TNN: variants seen among roughly 807,000 people sequenced by gnomAD.
TNN encodes tenascin N, also known as tenascin-N.
Under a neutral mutation model 134.4 loss-of-function variants are expected in TNN, and 122 were observed. The ratio of observed to expected loss-of-function variants is 0.91; its 90% confidence interval spans 0.78 to 1.06. The LOEUF is 1.06. Among genes scored for constraint, TNN ranks in the 50% least tolerant of loss-of-function variants. The pLI is 0.00. For synonymous variants in TNN, 710 were observed against 670.3 expected (o/e 1.06, Z -0.91); for missense variants, 1,739 against 1,699.4 (o/e 1.02, Z -0.41).
intron 6 of TNN, among the ~76,000 whole-genome samples, chr1:175,088,871 G>C (rs1674377544): frequency 6.6e-6 from 1 of 152,196 alleles, no homozygotes; most frequent in Admixed American, 6.5e-5. Flanking sequence ...TGCTCAAACA[G>C]TTTCTCCACT....
At chr1:175,102,676 G>A (rs1015919229) in intron 9 of TNN, among the ~76,000 whole-genome samples, 10 of 145,822 alleles carry the variant, frequency 6.9e-5, no homozygotes, top group Admixed American at 4.8e-4. Flanking sequence ...TCCCACTCGC[G>A]CCTCTCCCTC....
At chr1:175,133,604 A>G (rs1675726961) in intron 15 of TNN, among the ~76,000 whole-genome samples, 1 of 151,922 alleles carries the variant, frequency 6.6e-6, no homozygotes, top group Non-Finnish European at 1.5e-5. Flanking sequence ...GTCCTTCTTC[A>G]TTATACATAT....
chr1:175,088,030 TC>T (rs1328772674), intron 6 of TNN, among the ~76,000 whole-genome samples: 2 of 152,178 alleles, frequency 1.3e-5, no homozygotes, highest in Non-Finnish European at 2.9e-5. Context: ...TGTGCCACCC[TC>T]CCCAAACCTC....
rs1464712471 is a variant in TNN at position 175,079,554 on chromosome 1, G to A, written c.631G>A (p.Glu211Lys). ...CCCTGAGAACTGCAGCGGACACGGC[G>A]AGTGCGTGCGCGGCGTGTGCCAGTG... ...ACPENCSGHG[E>K]CVRGVCQCHE... Residue 211 changes from glutamate to lysine, a missense_variant, in exon 3 of 19, where the codon GAG (glutamate) becomes AAG (lysine). By Grantham distance (56) the Glu-to-Lys change is moderately conservative (BLOSUM62 1). Transcript: ENST00000239462. The A allele has an allele frequency of 2.5e-6, 4 of 1,573,892 alleles. No homozygotes were observed. Among genetic ancestry groups the A allele is most frequent in the Middle Eastern group, 3.3e-4 (2 of 6,008 alleles).
chr1:175,133,344 C>G (rs1675721352), intron 15 of TNN, among the ~76,000 whole-genome samples: 1 of 152,220 alleles, frequency 6.6e-6, no homozygotes, highest in Admixed American at 6.5e-5. Context: ...TTTCTTGCTT[C>G]TCACTCATTC....
chr1:175,134,799 A>G (rs1007105916), intron 15 of TNN, among the ~76,000 whole-genome samples: 1 of 151,944 alleles, frequency 6.6e-6, no homozygotes, highest in Non-Finnish European at 1.5e-5. Flanking sequence ...GTCCCCCTTC[A>G]TCTGCACTCT....
intron 9 of TNN, among the ~76,000 whole-genome samples, chr1:175,102,649 C>A (rs6662912): frequency 0.012 from 1,792 of 145,756 alleles, 49 homozygotes; most frequent in African/African-American, 0.041. Context: ...CCCGCAAGCA[C>A]CATGCGCAGC....
chr1:175,136,337 G>C (rs139433645), intron 16 of TNN, among the ~76,000 whole-genome samples: 1 of 152,250 alleles, frequency 6.6e-6, no homozygotes, highest in East Asian at 1.9e-4. Context: ...TTTTCCCTCT[G>C]CTCTCCTCTG....
rs1573758 is a variant in TNN, at chr1:175,085,412, C to A, written c.1242C>A (p.His414Gln). ...PKSRYDITGL[H>Q]PGTEYKITVV... ...CTGCCTGCTTGTTTCCAGGTCTGCA[C>A]CCGGGGACTGAGTATAAGATCACGG... Residue 414 changes from histidine to glutamine, a missense_variant, in exon 6 of 19, where the codon CAC (histidine) becomes CAA (glutamine). Coordinates refer to ENST00000239462, the MANE Select transcript of TNN (RefSeq NM_022093.2). 1 of 1,608,480 alleles carries A rather than the reference C, an allele frequency of 6.2e-7. No individual in the cohort carries two copies. The highest frequency in any genetic ancestry group is 1.7e-5 in the Admixed American group (1 of 59,758).
intron 11 of TNN, among the ~76,000 whole-genome samples, chr1:175,119,168 T>C (rs1675274939): frequency 6.6e-6 from 1 of 152,212 alleles, no homozygotes; most frequent in East Asian, 1.9e-4. Context: ...GAATGGCTAC[T>C]AGCCATGGGC....
At chr1:175,113,840 C>A (rs7536504) in intron 9 of TNN, among the ~76,000 whole-genome samples, 35,085 of 151,694 alleles carry the variant, frequency 0.23, 4,350 homozygotes, top group African/African-American at 0.31. Context: ...TTGATCAAGT[C>A]TGCTGTGGAA....
intron 4 of TNN, among the ~76,000 whole-genome samples, chr1:175,081,173 A>T (rs750675945): frequency 6.6e-6 from 1 of 152,264 alleles, no homozygotes; most frequent in Non-Finnish European, 1.5e-5. Context: ...TGGGGTACAG[A>T]ACAAGATGGA....
At chr1:175,069,527 C>T (rs1208407228) in intron 1 of TNN, among the ~76,000 whole-genome samples, 4 of 152,196 alleles carry the variant, frequency 2.6e-5, no homozygotes, top group Non-Finnish European at 4.4e-5. Context: ...GTAGGGTGGG[C>T]AGAGCTCTCT....
chr1:175,095,880 T>A (rs544530943), intron 7 of TNN, among the ~76,000 whole-genome samples: 1 of 152,358 alleles, frequency 6.6e-6, no homozygotes, highest in African/African-American at 2.4e-5. Context: ...CGGCCCATTT[T>A]TAAAACAAAG....
intron 15 of TNN, among the ~76,000 whole-genome samples, chr1:175,133,169 C>G (rs1007693375): frequency 1.3e-5 from 2 of 152,208 alleles, no homozygotes; most frequent in African/African-American, 4.8e-5. Context: ...GATGTATTAT[C>G]AATTCCAATA....
At chr1:175,110,277 T>A (rs1408145806) in intron 9 of TNN, among the ~76,000 whole-genome samples, 1 of 152,260 alleles carries the variant, frequency 6.6e-6, no homozygotes, top group Admixed American at 6.5e-5. Flanking sequence ...TAATACTTTA[T>A]CACATAGACA....
At position 175,117,116 on chromosome 1, in the gene TNN, GC is replaced by G. The variant is rs753613576; in HGVS notation, c.2299del (p.Leu767Ter). ...GAGCAGAGTAGCACTGTCCTGACGG[GC>G]CTGAGGCCGGGTGTGGAGTACACGG... is the stretch of plus-strand genomic sequence containing the variant. ...GKEQSSTVLT[G>X]LRPGVEYTVH... On this transcript the variant is annotated frameshift_variant, in exon 10 of 19. Transcript: ENST00000239462. LOFTEE classifies it high-confidence loss of function. 171 of 1,614,142 alleles carry G rather than the reference GC, an allele frequency of 1.1e-4. No homozygotes were observed. The highest frequency in any genetic ancestry group is 3.3e-4 in the Middle Eastern group (2 of 6,084).
chr1:175,144,006 G>A (rs1222708650), intron 17 of TNN, among the ~76,000 whole-genome samples: 5 of 152,308 alleles, frequency 3.3e-5, no homozygotes, highest in African/African-American at 1.2e-4. Flanking sequence ...CAGGTTCCAG[G>A]TCTGGGTGGT....
intron 1 of TNN, among the ~76,000 whole-genome samples, chr1:175,075,038 C>T (rs1364065335): frequency 5.3e-5 from 8 of 152,194 alleles, no homozygotes; most frequent in East Asian, 1.9e-4. Flanking sequence ...GGATTAATTA[C>T]GAGGAATAAT....
Sources: allele counts gnomAD v4.1 joint callset (sites outside exome capture counted in the v4.1 genomes callset), GRCh38; gene constraint gnomAD v4.1.1; transcripts MANE v1.5; gene names NCBI Gene and HGNC (gene_info 2026-07-23, HGNC 2026-07-21).